The following GPHN variants were observed in gnomAD, a reference collection of about 807,000 sequenced individuals.
GPHN encodes gephyrin.
Under a neutral mutation model 95.5 loss-of-function variants are expected in GPHN, and 17 were observed. The observed-to-expected ratio is 0.18, with a 90% confidence interval of 0.12 to 0.27. GPHN has a LOEUF of 0.27. Ranked by LOEUF, GPHN falls within the 10% of genes least tolerant of loss-of-function variation. The pLI, the probability that GPHN is intolerant of heterozygous loss-of-function variation, is 1.00. For missense variants in GPHN, 660 were observed against 978.1 expected, an observed-to-expected ratio of 0.67 and a Z score of 4.34; for synonymous variants, 320 against 322.5, an observed-to-expected ratio of 0.99 and a Z score of 0.08.
At chr14:66,801,168 A>G (rs547486723) in intron 3 of GPHN, among the ~76,000 whole-genome samples, 10 of 152,082 alleles carry the variant, frequency 6.6e-5, no homozygotes, top group South Asian at 4.2e-4. Context: ...CAGTGGCCAC[A>G]TATCTCTGTT....
intron 1 of GPHN, among the ~76,000 whole-genome samples, chr14:66,536,680 G>C (rs1208649526): frequency 6.6e-6 from 1 of 152,162 alleles, no homozygotes; most frequent in South Asian, 2.1e-4. Context: ...TTCTCTGAAA[G>C]CATTTGTGAT....
At chr14:66,684,644 G>A (rs773967709) in intron 2 of GPHN, among the ~76,000 whole-genome samples, 1 of 152,128 alleles carries the variant, frequency 6.6e-6, no homozygotes, top group African/African-American at 2.4e-5. Context: ...AATGAACCAA[G>A]TGAGCTATTG....
chr14:67,158,879 A>G (rs920259620), intron 18 of GPHN, among the ~76,000 whole-genome samples: 3 of 152,196 alleles, frequency 2.0e-5, no homozygotes, highest in African/African-American at 7.2e-5. Flanking sequence ...TAGATTTGAC[A>G]AATCTAAGTA....
At chr14:66,840,684 A>G (rs1305423072) in intron 4 of GPHN, among the ~76,000 whole-genome samples, 5 of 149,600 alleles carry the variant, frequency 3.3e-5, no homozygotes, top group African/African-American at 1.2e-4. Context: ...TCTTTTGATT[A>G]TCTCTTGAAT....
chr14:66,641,667 AG>A (rs200031454), intron 1 of GPHN, among the ~76,000 whole-genome samples: 9,806 of 149,930 alleles, frequency 0.065, 382 homozygotes, highest in Middle Eastern at 0.089. Flanking sequence ...AAAAAAAAAA[AG>A]AGAGAGGTAG....
the GPHN span, among the ~76,000 whole-genome samples, chr14:67,448,207 C>T: frequency 7.1e-5 from 9 of 126,578 alleles, no homozygotes; most frequent in Admixed American, 2.0e-4. Flanking sequence ...ACTGCAATCT[C>T]GGCTCACTGC....
intron 2 of GPHN, among the ~76,000 whole-genome samples, chr14:66,750,263 C>G (rs2058317703): frequency 1.3e-5 from 2 of 151,906 alleles, no homozygotes; most frequent in South Asian, 2.1e-4. Context: ...TGAAGGCTGT[C>G]AGGTCTGTGT....
At chr14:67,557,153 G>A in the GPHN span, 1 of 747,454 alleles carries the variant, frequency 1.3e-6, no homozygotes, top group Non-Finnish European at 2.2e-6. Context: ...CTGGGTAAGG[G>A]CTGTGCCTGG....
chr14:67,734,734 T>A, the GPHN span, among the ~76,000 whole-genome samples: 1 of 152,216 alleles, frequency 6.6e-6, no homozygotes, highest in Non-Finnish European at 1.5e-5. Context: ...TACTCCCCCA[T>A]GGCCTAACTG....
intron 1 of GPHN, among the ~76,000 whole-genome samples, chr14:66,514,503 A>G (rs932924430): frequency 1.3e-5 from 2 of 152,138 alleles, no homozygotes; most frequent in Middle Eastern, 3.4e-3. Flanking sequence ...CAAGGCTCTC[A>G]TGGCAGTATA....
chr14:67,683,283 AT>A, the GPHN span, among the ~76,000 whole-genome samples: 101 of 148,728 alleles, frequency 6.8e-4, no homozygotes, highest in African/African-American at 1.6e-3. Flanking sequence ...ATAAAGGGTT[AT>A]TTTTTTTTTT....
At chr14:67,612,291 A>G in the GPHN span, among the ~76,000 whole-genome samples, 1 of 152,142 alleles carries the variant, frequency 6.6e-6, no homozygotes, top group Non-Finnish European at 1.5e-5. Flanking sequence ...GGGGAATTTT[A>G]TGGAGTTAGA....
At chr14:67,622,941 A>G in the GPHN span, among the ~76,000 whole-genome samples, 2 of 152,172 alleles carry the variant, frequency 1.3e-5, no homozygotes, top group East Asian at 3.9e-4. Context: ...CTTTCCTGTC[A>G]CAGCTCTTGG....
chr14:67,699,268 G>C, the GPHN span, among the ~76,000 whole-genome samples: 1 of 148,848 alleles, frequency 6.7e-6, no homozygotes, highest in African/African-American at 2.5e-5. Flanking sequence ...AAAAAAAAAA[G>C]ATAAAAGGCT....
At chr14:66,660,746 T>C (rs1379347531) in intron 1 of GPHN, among the ~76,000 whole-genome samples, 2 of 152,026 alleles carry the variant, frequency 1.3e-5, no homozygotes, top group Non-Finnish European at 2.9e-5. Context: ...GTACTTGCAT[T>C]GGGACTGATC....
the GPHN span, chr14:67,592,803 T>G: frequency 2.3e-4 from 206 of 880,022 alleles, no homozygotes; most frequent in African/African-American, 3.1e-3. Context: ...TATTTATTTT[T>G]GAGACAGAGT....
chr14:67,005,277 G>A (rs763595515), intron 9 of GPHN, among the ~76,000 whole-genome samples: 8 of 151,754 alleles, frequency 5.3e-5, no homozygotes, highest in South Asian at 4.2e-4. Flanking sequence ...ATTTACAGTC[G>A]TAAATCCTAA....
At chr14:66,723,012 C>G (rs746192345) in intron 2 of GPHN, among the ~76,000 whole-genome samples, 5 of 152,096 alleles carry the variant, frequency 3.3e-5, no homozygotes, top group Non-Finnish European at 7.4e-5. Flanking sequence ...AAAACACATT[C>G]TACTTCCCTT....
chr14:67,655,234 T>G, the GPHN span, among the ~76,000 whole-genome samples: 1 of 149,512 alleles, frequency 6.7e-6, no homozygotes, highest in East Asian at 2.0e-4. Flanking sequence ...CAGCTACACA[T>G]GAGGATCACT....
Sources: allele counts gnomAD v4.1 joint callset (sites outside exome capture counted in the v4.1 genomes callset), GRCh38; gene constraint gnomAD v4.1.1; transcripts MANE v1.5; gene names NCBI Gene and HGNC (gene_info 2026-07-23, HGNC 2026-07-21).